The following CFAP299 variants were observed in gnomAD, a reference collection of about 807,000 sequenced individuals.
CFAP299 encodes the protein cilia- and flagella-associated protein 299.
Under a neutral mutation model 27.0 loss-of-function variants are expected in CFAP299, and 21 were observed. The observed-to-expected ratio is 0.78, with a 90% CI of 0.55 to 1.12. CFAP299 has a LOEUF of 1.12. Ranked by LOEUF, CFAP299 falls within the 50% of genes most tolerant of loss-of-function variation. The pLI is 0.00. For synonymous variants in CFAP299, 104 were observed against 98.1 expected (o/e 1.06, Z -0.36); for missense variants, 310 against 276.6 (o/e 1.12, Z -0.86).
At chr4:80,369,772 G>A (rs920038250) in intron 2 of CFAP299, among the ~76,000 whole-genome samples, 3 of 152,176 alleles carry the variant, frequency 2.0e-5, no homozygotes, top group African/African-American at 7.2e-5. Flanking sequence ...GAGTATCCTA[G>A]TGCATGCACA....
chr4:80,724,968 GAC>G (rs1002757707), intron 3 of CFAP299, among the ~76,000 whole-genome samples: 5 of 134,562 alleles, frequency 3.7e-5, no homozygotes, highest in African/African-American at 1.4e-4. Context: ...GTTTTTTTGA[GAC>G]AGAGTCTTGC....
intron 2 of CFAP299, among the ~76,000 whole-genome samples, chr4:80,566,785 C>T (rs924218553): frequency 6.6e-5 from 10 of 152,010 alleles, no homozygotes; most frequent in Admixed American, 2.0e-4. Flanking sequence ...TAGCTGCCTC[C>T]GAGGAGAGAA....
intron 4 of CFAP299, among the ~76,000 whole-genome samples, chr4:80,903,325 G>A (rs370456745): frequency 6.6e-6 from 1 of 151,796 alleles, no homozygotes; most frequent in East Asian, 1.9e-4. Flanking sequence ...AATTGGGGAA[G>A]GATAAAGGGA....
At position 80,891,906 on chromosome 4, in the gene CFAP299, T is replaced by C. The variant is rs531340616; in HGVS notation, c.476+21771T>C. On this transcript the variant is annotated intron_variant, in intron 4 of 5. Transcript: ENST00000358105. Reference sequence around the variant, plus strand: ...ATATTTTATGTTCATGATTGGAAGATAAATATTATTAAAATATCCATACTA... The same window carrying C: ...ATATTTTATGTTCATGATTGGAAGACAAATATTATTAAAATATCCATACTA... 2.2e-5 allele frequency among the ~76,000 whole-genome samples: 3 copies of C among 137,052 alleles called. No individual in the cohort carries two copies. In the South Asian group the frequency reaches 7.0e-4, roughly 32 times the overall value. The allele number at this position is 137,052 out of a possible 152,430, so 89.9% of individuals were successfully genotyped here. A position where few individuals can be genotyped will look rare whatever the true frequency, so the allele number is the denominator to read the frequency against.
chr4:80,760,628 A>G (rs1397245021), intron 3 of CFAP299, among the ~76,000 whole-genome samples: 7 of 152,236 alleles, frequency 4.6e-5, no homozygotes, highest in Non-Finnish European at 1.5e-5. Flanking sequence ...CAATTATTAA[A>G]GAAGAAGTTA....
intron 3 of CFAP299, among the ~76,000 whole-genome samples, chr4:80,743,822 T>TA: frequency 6.6e-6 from 1 of 152,306 alleles, no homozygotes; most frequent in East Asian, 1.9e-4. Context: ...ATCCCATACT[T>TA]AAAGTAAAAT....
At chr4:80,437,582 G>A (rs1009660945) in intron 2 of CFAP299, among the ~76,000 whole-genome samples, 1 of 152,126 alleles carries the variant, frequency 6.6e-6, no homozygotes, top group African/African-American at 2.4e-5. Context: ...TTTTAATAAA[G>A]GGCAGTAAAC....
chr4:80,375,979 G>A (rs1468939439), intron 2 of CFAP299, among the ~76,000 whole-genome samples: 1 of 152,192 alleles, frequency 6.6e-6, no homozygotes, highest in African/African-American at 2.4e-5. Context: ...ATGTTTTAAA[G>A]TGTGTAATTC....
chr4:80,817,966 C>T (rs72881510), intron 3 of CFAP299, among the ~76,000 whole-genome samples: 4,679 of 152,052 alleles, frequency 0.031, 139 homozygotes, highest in African/African-American at 0.082. Flanking sequence ...CCAGTATCCA[C>T]TAGCTATTTT....
chr4:80,600,969 A>G (rs578200822), intron 3 of CFAP299, among the ~76,000 whole-genome samples: 49 of 152,268 alleles, frequency 3.2e-4, no homozygotes, highest in African/African-American at 1.0e-3. Context: ...TTTAAATGAG[A>G]TGGAGTAAGT....
chr4:80,574,256 T>A (rs1735737254), intron 2 of CFAP299, among the ~76,000 whole-genome samples: 1 of 152,144 alleles, frequency 6.6e-6, no homozygotes, highest in Non-Finnish European at 1.5e-5. Flanking sequence ...TTCAGATTAT[T>A]CACTTTTGAT....
chr4:80,642,701 T>C (rs967342448), intron 3 of CFAP299, among the ~76,000 whole-genome samples: 10 of 151,452 alleles, frequency 6.6e-5, no homozygotes, highest in African/African-American at 2.4e-4. Flanking sequence ...GAGGCAAAGG[T>C]TGCAGTGAAC....
chr4:80,565,047 A>G (rs1735214641), intron 2 of CFAP299, among the ~76,000 whole-genome samples: 1 of 152,034 alleles, frequency 6.6e-6, no homozygotes, highest in Non-Finnish European at 1.5e-5. Flanking sequence ...GGGACTACAA[A>G]ATGGCACAAT....
intron 3 of CFAP299, among the ~76,000 whole-genome samples, chr4:80,782,641 C>T (rs1473678101): frequency 1.9e-5 from 2 of 105,916 alleles, no homozygotes; most frequent in African/African-American, 3.6e-5. Context: ...ATATAATATA[C>T]ATATATGAAT....
intron 4 of CFAP299, among the ~76,000 whole-genome samples, chr4:80,899,111 A>G (rs532246741): frequency 1.3e-5 from 2 of 152,324 alleles, no homozygotes; most frequent in East Asian, 3.9e-4. Flanking sequence ...ACACTTGTGT[A>G]TAACATGAGC....
chr4:80,771,901 G>T (rs1268462980), intron 3 of CFAP299, among the ~76,000 whole-genome samples: 3 of 152,178 alleles, frequency 2.0e-5, no homozygotes, highest in Non-Finnish European at 4.4e-5. Context: ...AAAGCAGTCT[G>T]TGAATGTTAT....
chr4:80,879,750 C>T (rs1233115758), intron 4 of CFAP299, among the ~76,000 whole-genome samples: 1 of 152,186 alleles, frequency 6.6e-6, no homozygotes, highest in African/African-American at 2.4e-5. Context: ...GTATGCACCA[C>T]TGTGCCAAAA....
chr4:80,518,037 C>T (rs1732672152), intron 2 of CFAP299, among the ~76,000 whole-genome samples: 1 of 151,834 alleles, frequency 6.6e-6, no homozygotes, highest in South Asian at 2.1e-4. Context: ...TTAGAGTGGA[C>T]CAGTTTTAGG....
chr4:80,891,143 T>A (rs1734252446), intron 4 of CFAP299, among the ~76,000 whole-genome samples: 1 of 149,524 alleles, frequency 6.7e-6, no homozygotes, highest in South Asian at 2.2e-4. Flanking sequence ...CCCACGCCTA[T>A]GTCCTGAATG....
Sources: gnomAD v4.1 joint callset for allele counts (sites outside exome capture counted in the v4.1 genomes callset) on GRCh38, gnomAD v4.1.1 for gene constraint, MANE v1.5 for transcripts, NCBI Gene and HGNC (gene_info 2026-07-23, HGNC 2026-07-21) for gene names.